Variants in MCC observed in about 807,000 individuals in gnomAD.
MCC encodes the protein colorectal mutant cancer protein.
In MCC, 90 loss-of-function variants were observed where a neutral mutation model predicts 116.2. The ratio of observed to expected loss-of-function variants is 0.77; its 90% confidence interval spans 0.65 to 0.92. The LOEUF is 0.92. Among genes scored for constraint, MCC ranks in the 40% least tolerant of loss-of-function variants. The pLI is 0.00. For missense variants in MCC, 1,516 were observed against 1,312.2 expected (o/e 1.16, Z -2.40); for synonymous variants, 578 against 510.5 (o/e 1.13, Z -1.78).
intron 3 of MCC, chr5:113,234,595 C>T (rs1306176390): frequency 6.6e-6 from 1 of 152,172 alleles, no homozygotes; most frequent in Non-Finnish European, 1.5e-5. Flanking sequence ...AGGTCTCTAT[C>T]TCTACCCATA....
chr5:113,256,574 G>T (rs1174790419), intron 3 of MCC, among the ~76,000 whole-genome samples: 1 of 152,104 alleles, frequency 6.6e-6, no homozygotes, highest in African/African-American at 2.4e-5. Context: ...GAAACGTCAA[G>T]TTCAATAAAC....
chr5:113,064,172 G>A lies in MCC; in HGVS notation c.2030-5C>T, dbSNP rs1449159173. 1.2e-6 allele frequency: 2 copies of A among 1,604,908 alleles called. No individual in the cohort carries two copies. The highest frequency in any genetic ancestry group is 1.7e-6 in the Non-Finnish European group (2 of 1,174,174). On this transcript the variant is annotated splice_region_variant and splice_polypyrimidine_tract_variant and intron_variant, in intron 13 of 18. Coordinates refer to ENST00000408903, the MANE Select transcript of MCC (RefSeq NM_001085377.2). Reference sequence around the variant, plus strand: ...TTTCATCCCCCGACTGGTCTCCTATGTGGCAGAGAAGCCAACGGATTAATC... The same window carrying A: ...TTTCATCCCCCGACTGGTCTCCTATATGGCAGAGAAGCCAACGGATTAATC...
intron 1 of MCC, among the ~76,000 whole-genome samples, chr5:113,471,517 A>G (rs1772089738): frequency 6.6e-6 from 1 of 151,922 alleles, no homozygotes; most frequent in Non-Finnish European, 1.5e-5. Flanking sequence ...CTGCTGCCTG[A>G]TCGTTCCTCT....
intron 5 of MCC, among the ~76,000 whole-genome samples, chr5:113,125,498 G>A (rs553785759): frequency 6.6e-5 from 10 of 152,200 alleles, no homozygotes; most frequent in African/African-American, 2.2e-4. Flanking sequence ...CACTGACTTT[G>A]GTAAAAAAAT....
At chr5:113,373,343 A>G (rs1768889178) in intron 2 of MCC, among the ~76,000 whole-genome samples, 1 of 152,132 alleles carries the variant, frequency 6.6e-6, no homozygotes, top group African/African-American at 2.4e-5. Context: ...AAAATATTCT[A>G]AAAAATAATA....
chr5:113,473,455 G>C (rs1772148893), intron 1 of MCC, among the ~76,000 whole-genome samples: 1 of 152,132 alleles, frequency 6.6e-6, no homozygotes, highest in Non-Finnish European at 1.5e-5. Context: ...GCCCAGGAGT[G>C]TGAGGCTGCT....
At chr5:113,294,545 G>A in intron 3 of MCC, 1 of 1,423,182 alleles carries the variant, frequency 7.0e-7, no homozygotes, top group South Asian at 1.6e-5. Context: ...GGAGGATGCA[G>A]GCACTCTTAA....
chr5:113,243,941 G>C (rs1038375055), intron 3 of MCC, among the ~76,000 whole-genome samples: 1 of 152,214 alleles, frequency 6.6e-6, no homozygotes. Flanking sequence ...GCTTGAGCCA[G>C]ATTCAAATTT....
At chr5:113,039,643 A>G (rs542200999) in intron 17 of MCC, among the ~76,000 whole-genome samples, 8 of 152,172 alleles carry the variant, frequency 5.3e-5, no homozygotes, top group Admixed American at 5.2e-4. Context: ...ATGTAGAAAC[A>G]TGCAGACTTC....
At chr5:113,194,817 T>A (rs1405461128) in intron 3 of MCC, among the ~76,000 whole-genome samples, 1 of 152,232 alleles carries the variant, frequency 6.6e-6, no homozygotes, top group Non-Finnish European at 1.5e-5. Context: ...TAGTCATTCC[T>A]CGAGGACTCA....
At chr5:113,177,894 T>C (rs1447966344) in intron 3 of MCC, among the ~76,000 whole-genome samples, 2 of 152,256 alleles carry the variant, frequency 1.3e-5, no homozygotes, top group African/African-American at 4.8e-5. Context: ...TCTTTACTAA[T>C]TTAAAATAAT....
At chr5:113,318,051 C>T (rs188871023) in intron 3 of MCC, among the ~76,000 whole-genome samples, 10 of 152,218 alleles carry the variant, frequency 6.6e-5, no homozygotes, top group Admixed American at 4.6e-4. Flanking sequence ...CAGAGGATTT[C>T]CAATTATTGA....
chr5:113,189,301 T>A (rs1021269993), intron 3 of MCC, among the ~76,000 whole-genome samples: 1 of 152,198 alleles, frequency 6.6e-6, no homozygotes, highest in African/African-American at 2.4e-5. Context: ...AAGGACTTAC[T>A]ACAGACCATC....
chr5:113,419,156 C>T, intron 1 of MCC, among the ~76,000 whole-genome samples: 1 of 150,204 alleles, frequency 6.7e-6, no homozygotes, highest in Non-Finnish European at 1.5e-5. Flanking sequence ...TAGGAATATT[C>T]TTTTTTTTCT....
intron 2 of MCC, among the ~76,000 whole-genome samples, chr5:113,368,540 T>C (rs1243185501): frequency 3.3e-5 from 5 of 152,210 alleles, no homozygotes; most frequent in African/African-American, 9.6e-5. Context: ...CCCTCCTTTC[T>C]CTGGAAGATA....
chr5:113,446,757 C>T (rs186742135), intron 1 of MCC, among the ~76,000 whole-genome samples: 7 of 152,266 alleles, frequency 4.6e-5, no homozygotes, highest in Middle Eastern at 3.4e-3. Context: ...ACATAGTGTA[C>T]TCACGGACAT....
chr5:113,257,842 G>A (rs955637855), intron 3 of MCC, among the ~76,000 whole-genome samples: 1 of 152,180 alleles, frequency 6.6e-6, no homozygotes, highest in Non-Finnish European at 1.5e-5. Flanking sequence ...ACATGTTCCC[G>A]AGGGAGGGGA....
chr5:113,043,078 G>C (rs1026696575), intron 17 of MCC, among the ~76,000 whole-genome samples: 58 of 152,134 alleles, frequency 3.8e-4, no homozygotes, highest in African/African-American at 1.4e-3. Flanking sequence ...TAAAGAACTG[G>C]GGGGCGGTGA....
intron 3 of MCC, among the ~76,000 whole-genome samples, chr5:113,279,002 G>A (rs1285776319): frequency 6.6e-6 from 1 of 152,092 alleles, no homozygotes; most frequent in Non-Finnish European, 1.5e-5. Flanking sequence ...ATTTTTCTAT[G>A]TCGTTGGTAT....
Sources: gnomAD v4.1 joint callset for allele counts (sites outside exome capture counted in the v4.1 genomes callset) on GRCh38, gnomAD v4.1.1 for gene constraint, MANE v1.5 for transcripts, NCBI Gene and HGNC (gene_info 2026-07-23, HGNC 2026-07-21) for gene names.